The following TTBK2 variants were observed in gnomAD, a reference collection of about 807,000 sequenced individuals.
The protein encoded by TTBK2 is tau-tubulin kinase 2.
Under a neutral mutation model 110.8 loss-of-function variants are expected in TTBK2, and 28 were observed. That is an observed-to-expected ratio of 0.25 (90% confidence interval 0.19 to 0.35). The LOEUF is 0.35. Ranked by LOEUF, TTBK2 falls within the 10% of genes least tolerant of loss-of-function variation. TTBK2 has a pLI of 1.00. For missense variants in TTBK2, 1,369 were observed against 1,500.3 expected, an observed-to-expected ratio of 0.91 and a Z score of 1.45; for synonymous variants, 532 against 527.3, an observed-to-expected ratio of 1.01 and a Z score of -0.12.
chr15:42,853,797 C>T (rs1003769765), intron 3 of TTBK2, among the ~76,000 whole-genome samples: 6 of 152,076 alleles, frequency 3.9e-5, no homozygotes, highest in Admixed American at 2.0e-4. Flanking sequence ...AGAAGAATTA[C>T]TTGAACCTGG....
intron 10 of TTBK2, among the ~76,000 whole-genome samples, chr15:42,789,526 G>C (rs1287479022): frequency 1.3e-5 from 2 of 152,098 alleles, no homozygotes; most frequent in Non-Finnish European, 2.9e-5. Flanking sequence ...CTGAGGTCAG[G>C]AGTTCGAGAC....
intron 1 of TTBK2, among the ~76,000 whole-genome samples, chr15:42,909,863 G>T (rs147295781): frequency 4.6e-5 from 7 of 152,238 alleles, no homozygotes; most frequent in Admixed American, 4.6e-4. Flanking sequence ...GCTACCTTTG[G>T]GGTAAAGAAA....
At chr15:42,783,359 G>T in intron 11 of TTBK2, 60 bp downstream of exon 11, 2 of 1,553,326 alleles carry the variant, frequency 1.3e-6, no homozygotes, top group Non-Finnish European at 1.8e-6. Flanking sequence ...TTCCTTCTTG[G>T]ACTTCCCAGC....
At chr15:42,912,389 T>C (rs115127805) in intron 1 of TTBK2, among the ~76,000 whole-genome samples, 1 of 152,244 alleles carries the variant, frequency 6.6e-6, no homozygotes, top group Non-Finnish European at 1.5e-5. Context: ...AGCAGTTTTA[T>C]AACTGTCATA....
Position 42,740,992 on chromosome 15 carries a change from G to A in TTBK2, c.*4803C>T, listed in dbSNP as rs2061746628. 1.3e-5 allele frequency: 2 copies of A among 152,236 alleles called. No homozygotes were observed. Among genetic ancestry groups the A allele is most frequent in the South Asian group, 2.1e-4 (1 of 4,834 alleles). 9.4% of individuals were successfully genotyped at this position (152,236 alleles called of 1,614,324 possible). A position where few individuals can be genotyped will look rare whatever the true frequency, so the allele number is the denominator to read the frequency against. On this transcript the variant is annotated 3_prime_UTR_variant, in exon 15 of 15. Transcript: ENST00000267890. ...ATCCAGATTCCCCTTTATGTGGATA[G>A]GGATCCCTGTGCCATGTCTTGCACT...
Position 42,746,166 on chromosome 15 carries a change from G to C in TTBK2, c.3364C>G (p.Pro1122Ala). Residue 1122 changes from proline to alanine, a missense_variant, in exon 15 of 15, where the codon CCC becomes GCC. Transcript: ENST00000267890. ...AQILQNGSQK[P>A]RSTTQCKSPG... The stretch of plus-strand genomic sequence containing the variant: ...CTCTTGCACTGAGTAGTGCTCCGGG[G>C]TTTCTGAGATCCATTTTGAAGAATT... 6.2e-7 allele frequency: 1 copy of C among 1,614,162 alleles called. No homozygotes were observed. Among genetic ancestry groups the C allele is most frequent in the East Asian group, 2.2e-5 (1 of 44,888 alleles).
chr15:42,899,590 A>C (rs1895803607), intron 1 of TTBK2, among the ~76,000 whole-genome samples: 1 of 151,960 alleles, frequency 6.6e-6, no homozygotes, highest in Non-Finnish European at 1.5e-5. Flanking sequence ...ATACAAAGAA[A>C]TTAGCCGGGC....
intron 4 of TTBK2, among the ~76,000 whole-genome samples, chr15:42,830,574 C>A (rs930513458): frequency 2.3e-4 from 35 of 152,174 alleles, no homozygotes; most frequent in Admixed American, 6.5e-4. Context: ...TTTAGAAAAA[C>A]CAGATTTTTA....
chr15:42,816,383 A>G lies in TTBK2; in HGVS notation c.603+649T>C, dbSNP rs549069034. Among the ~76,000 whole-genome samples, 7 of 151,610 alleles carry G rather than the reference A, an allele frequency of 4.6e-5. No individual in the cohort carries two copies. The South Asian group carries it at 1.5e-3, about 32-fold the overall frequency. ...GCTCACCTCAGCCTCCCAAACTTCT[A>G]TATTAAATTTGTTAATACTTATATC... is the stretch of plus-strand genomic sequence containing the variant. On this transcript the variant is annotated intron_variant, in intron 7 of 14. Transcript: ENST00000267890.
chr15:42,881,556 A>C (rs1344240911), intron 1 of TTBK2, among the ~76,000 whole-genome samples: 1 of 152,078 alleles, frequency 6.6e-6, no homozygotes, highest in African/African-American at 2.4e-5. Context: ...AGTCTCAGTA[A>C]AGAAATGAGA....
chr15:42,763,113 TATATAC>T (rs2062059269), intron 13 of TTBK2, among the ~76,000 whole-genome samples: 3 of 113,734 alleles, frequency 2.6e-5, no homozygotes, highest in African/African-American at 1.2e-4. Flanking sequence ...CGTATATATA[TATATAC>T]ACATATATAT....
chr15:42,771,880 C>T (rs1003363348), intron 13 of TTBK2, among the ~76,000 whole-genome samples: 2 of 152,150 alleles, frequency 1.3e-5, no homozygotes, highest in East Asian at 1.9e-4. Context: ...AGCCTACCAG[C>T]GTCTGACTCT....
chr15:42,850,268 T>C (rs138128148), intron 3 of TTBK2, among the ~76,000 whole-genome samples: 1 of 152,302 alleles, frequency 6.6e-6, no homozygotes, highest in African/African-American at 2.4e-5. Flanking sequence ...CCTTTCCTCC[T>C]CCTTGAGTCA....
chr15:42,840,807 C>A (rs1280028883), intron 3 of TTBK2, among the ~76,000 whole-genome samples: 1 of 152,002 alleles, frequency 6.6e-6, no homozygotes, highest in African/African-American at 2.4e-5. Context: ...GAATATAAAC[C>A]CTGAATTTCA....
chr15:42,766,678 A>G (rs1259922686), intron 13 of TTBK2, among the ~76,000 whole-genome samples: 1 of 152,092 alleles, frequency 6.6e-6, no homozygotes, highest in African/African-American at 2.4e-5. Flanking sequence ...CCACACAATA[A>G]TAATGGGAGA....
At chr15:42,871,979 A>G (rs1234926730) in intron 3 of TTBK2, among the ~76,000 whole-genome samples, 1 of 152,220 alleles carries the variant, frequency 6.6e-6, no homozygotes, top group Middle Eastern at 3.2e-3. Flanking sequence ...CATTAAGCTG[A>G]GAATACAAAG....
At chr15:42,835,148 C>G (rs1305822576) in intron 4 of TTBK2, among the ~76,000 whole-genome samples, 1 of 151,900 alleles carries the variant, frequency 6.6e-6, no homozygotes, top group African/African-American at 2.4e-5. Flanking sequence ...ATTTGCAACC[C>G]CCATTAAAAT....
intron 3 of TTBK2, among the ~76,000 whole-genome samples, chr15:42,859,131 G>T (rs1212583491): frequency 6.6e-6 from 1 of 151,890 alleles, no homozygotes; most frequent in Non-Finnish European, 1.5e-5. Context: ...ATCAGGCAGG[G>T]TGTTACTCTG....
chr15:42,750,068 A>C (rs1314770561), intron 14 of TTBK2, among the ~76,000 whole-genome samples: 1 of 152,182 alleles, frequency 6.6e-6, no homozygotes, highest in East Asian at 1.9e-4. Context: ...CCTGGGTGAC[A>C]GAGTGAGATC....
Sources: allele counts gnomAD v4.1 joint callset (sites outside exome capture counted in the v4.1 genomes callset), GRCh38; gene constraint gnomAD v4.1.1; transcripts MANE v1.5; gene names NCBI Gene and HGNC (gene_info 2026-07-23, HGNC 2026-07-21).